The following BCORL1 variants were observed in gnomAD, a reference collection of about 807,000 sequenced individuals.
The protein encoded by BCORL1 is BCL6 corepressor like 1, also known as BCL-6 corepressor-like protein 1.
BCORL1 carries 7 observed loss-of-function variants against 87.6 expected under a neutral mutation model. The observed-to-expected ratio is 0.08, with a 90% CI of 0.05 to 0.15. The LOEUF is 0.15. Among genes scored for constraint, BCORL1 ranks in the 10% least tolerant of loss-of-function variants. BCORL1 has a pLI of 1.00. For synonymous variants in BCORL1, 591 were observed against 634.4 expected (o/e 0.93, Z 1.03); for missense variants, 1,215 against 1,499.7 (o/e 0.81, Z 3.13).
chrX:130,014,788 C>T lies in BCORL1; in HGVS notation c.2016C>T (p.Ala672=), dbSNP rs370391548. The part of the protein sequence containing the change: ...LSRSQRTTQA[A]GGNVTSCLGS... The stretch of plus-strand genomic sequence containing the variant: ...GGTCTCAGCGCACAACCCAGGCTGC[C>T]GGTGGCAATGTCACCTCCTGCCTGG... The change falls in exon 4 of 14, where the codon GCC becomes GCT. Residue 672 remains alanine, a synonymous_variant. Coordinates refer to ENST00000540052, the MANE Select transcript of BCORL1 (RefSeq NM_001379451.1). 1.3e-4 allele frequency: 158 copies of T among 1,209,296 alleles called. No homozygotes were observed. Among genetic ancestry groups the T allele is most frequent in the Middle Eastern group, 2.3e-4 (1 of 4,376 alleles).
At position 130,025,118 on chromosome X, in the gene BCORL1, C is replaced by T. The variant is rs766565765; in HGVS notation, c.3817C>T (p.Arg1273Trp). Residue 1273 changes from arginine to tryptophan, a missense_variant, in exon 7 of 14, where the codon CGG (arginine) becomes TGG (tryptophan). Arg to Trp is a moderately radical substitution (Grantham distance 101). This residue lies in a region of BCORL1 where 166 missense variants were observed against 196.5 expected (regional missense o/e 0.84). Coordinates refer to ENST00000540052, the MANE Select transcript of BCORL1 (RefSeq NM_001379451.1). ...AKRRKVRKTQ[R>W]DTQYRSHHAQ... Reference sequence around the variant, plus strand: ...GCGTCGAAAGGTGAGAAAGACCCAACGGGACACCCAGTATCGCAGCCACCA... The same window carrying T: ...GCGTCGAAAGGTGAGAAAGACCCAATGGGACACCCAGTATCGCAGCCACCA... The T allele has an allele frequency of 5.8e-6, 7 of 1,210,079 alleles. No individual in the cohort carries two copies. The Admixed American group carries it at 6.6e-5, about 11-fold the overall frequency.
At chrX:130,034,189 C>G (rs1603148946) in intron 8 of BCORL1, among the ~76,000 whole-genome samples, 1 of 111,451 alleles carries the variant, frequency 9.0e-6, no homozygotes, top group Non-Finnish European at 1.9e-5. Context: ...TGGGGTTGAG[C>G]ATTTGAACCT....
rs1225386894 is a variant in BCORL1 at position 130,015,062 on chromosome X, G to A, written c.2290G>A (p.Ala764Thr). The change falls in exon 4 of 14, where the codon GCC becomes ACC. Residue 764 changes from alanine (A) to threonine (T), a missense_variant. This residue lies in a region of BCORL1 where 861 missense variants were observed against 1,010.0 expected (regional missense o/e 0.85). Transcript: ENST00000540052. The part of the protein sequence containing the change: ...IDQGEPKGTG[A>T]TCGKKGSQAG... ...TCAAGGAGAGCCTAAGGGCACTGGT[G>A]CCACGTGTGGCAAAAAGGGCAGCCA... The A allele has an allele frequency of 4.1e-6, 5 of 1,210,590 alleles. No homozygotes were observed. The African/African-American group carries it at 8.7e-5, about 21-fold the overall frequency.
Position 130,052,002 on chromosome X carries a change from G to T in BCORL1, c.5061G>T (p.Val1687=). 8.3e-7 allele frequency: 1 copy of T among 1,197,995 alleles called. No homozygotes were observed. Among genetic ancestry groups the T allele is most frequent in the Non-Finnish European group, 1.1e-6 (1 of 888,652 alleles). ...TTCTCCCTTGCTACAACCTCCAAGT[G>T]TCAGTGTCCCGCGGGTAAGTGTCCG... ...KPLLPCYNLQ[V]SVSRGPCNWF... Residue 1687 remains valine (V), a synonymous_variant, in exon 13 of 14, where the codon GTG becomes GTT. Coordinates refer to ENST00000540052, the MANE Select transcript of BCORL1 (RefSeq NM_001379451.1).
chrX:130,014,179 T>C lies in BCORL1; in HGVS notation c.1407T>C (p.Thr469=). ...TCAGTGTGGCCACACTGCCAACCAC[T>C]CTAGGGGTTTCCTCCACTCTTACGC... The part of the protein sequence containing the change: ...QPLSVATLPT[T]LGVSSTLTLP... Residue 469 remains threonine, a synonymous_variant, in exon 4 of 14, where the codon ACT becomes ACC. Coordinates refer to ENST00000540052, the MANE Select transcript of BCORL1 (RefSeq NM_001379451.1). The C allele has an allele frequency of 8.3e-7, 1 of 1,210,440 alleles. No individual in the cohort carries two copies. Among genetic ancestry groups the C allele is most frequent in the Non-Finnish European group, 1.1e-6 (1 of 895,128 alleles).
chrX:130,051,716 C>T (rs896277923), intron 12 of BCORL1, 144 bp from the exon 13 acceptor site: 19 of 512,789 alleles, frequency 3.7e-5, no homozygotes, highest in East Asian at 3.3e-4. Context: ...ACCGGCAAAC[C>T]GCATCCCTGA....
Position 130,056,403 on chromosome X carries a change from G to A in BCORL1, c.*267G>A, listed in dbSNP as rs868648365. 6 of 280,773 alleles carry A rather than the reference G, an allele frequency of 2.1e-5. No individual in the cohort carries two copies. The highest frequency in any genetic ancestry group is 1.2e-4 in the Admixed American group (2 of 16,614). The allele number at this position is 280,773 out of a possible 1,213,427, so 23.1% of individuals were successfully genotyped here. ...TCCATGTCTGAGGACAAGAGGTCCC[G>A]GGGGTGGTGGGAGGTGGCGCCGGGG... On this transcript the variant is annotated 3_prime_UTR_variant, in exon 14 of 14. Coordinates refer to ENST00000540052, the MANE Select transcript of BCORL1 (RefSeq NM_001379451.1).
rs756266434 is a variant in BCORL1, at chrX:130,056,093, G to T, written c.5315G>T (p.Arg1772Leu). The T allele has an allele frequency of 1.1e-5, 13 of 1,192,545 alleles. No homozygotes were observed. Among genetic ancestry groups the T allele is most frequent in the Non-Finnish European group, 1.1e-5 (10 of 884,088 alleles). ...ELVRYEPDLLRLLGSEVEFQS... is the reference protein window; with the variant it reads ...ELVRYEPDLLLLLGSEVEFQS... ...GTGCGGTACGAGCCAGACCTACTTC[G>T]GCTCCTAGGGTCCGAGGTGGAATTC... Residue 1772 changes from arginine to leucine, a missense_variant, in exon 14 of 14, where the codon CGG (arginine) becomes CTG (leucine). Transcript: ENST00000540052.
intron 1 of BCORL1, among the ~76,000 whole-genome samples, chrX:129,986,494 C>T (rs770568157): frequency 8.9e-6 from 1 of 111,962 alleles, no homozygotes; most frequent in Non-Finnish European, 1.9e-5. Context: ...CTCCACAGGG[C>T]TCTGCTTCAT....
chrX:129,985,972 C>A (rs1044754997), intron 1 of BCORL1, among the ~76,000 whole-genome samples: 1 of 111,059 alleles, frequency 9.0e-6, no homozygotes, highest in Non-Finnish European at 1.9e-5. Flanking sequence ...GCCTTACCCT[C>A]CAGAGTAGCT....
chrX:130,030,237 C>T (rs1227185453), intron 8 of BCORL1, among the ~76,000 whole-genome samples: 2 of 111,468 alleles, frequency 1.8e-5, no homozygotes, highest in South Asian at 3.8e-4. Context: ...GTGCTTCGGG[C>T]GGAAGCAAGA....
chrX:130,029,953 C>T (rs1930486221), intron 8 of BCORL1, among the ~76,000 whole-genome samples: 2 of 111,767 alleles, frequency 1.8e-5, no homozygotes, highest in South Asian at 7.4e-4. Context: ...TCACGCCTAG[C>T]GCTTTGGTGG....
intron 11 of BCORL1, among the ~76,000 whole-genome samples, chrX:130,043,032 CTTTT>C (rs748652223): frequency 1.1e-5 from 1 of 94,318 alleles, no homozygotes; most frequent in Non-Finnish European, 2.1e-5. Flanking sequence ...AGTACATTCT[CTTTT>C]TTTTTTTTTT....
In BCORL1 at chrX:130,014,563, C is replaced by G. The variant is rs199780684; in HGVS notation, c.1791C>G (p.Thr597=). 1.1e-5 allele frequency: 13 copies of G among 1,211,523 alleles called. No individual in the cohort carries two copies. The highest frequency in any genetic ancestry group is 1.5e-5 in the Non-Finnish European group (13 of 895,442). ...AGCAAACAGAAGGGACTTCCGTTAC[C>G]TTCTCTCCTCTTAAGTCACCGCCAC... ...TEQQTEGTSV[T]FSPLKSPPQL... is the part of the protein sequence containing the mutation. The change falls in exon 4 of 14, where the codon ACC becomes ACG. Residue 597 remains threonine (T), a synonymous_variant. Transcript: ENST00000540052.
intron 11 of BCORL1, among the ~76,000 whole-genome samples, chrX:130,041,191 G>A (rs1931285725): frequency 1.9e-5 from 2 of 106,839 alleles, no homozygotes; most frequent in African/African-American, 3.4e-5. Flanking sequence ...GGCAACATAC[G>A]GAGACCTTGT....
At chrX:130,030,592 G>T (rs1313086407) in intron 8 of BCORL1, among the ~76,000 whole-genome samples, 1 of 110,482 alleles carries the variant, frequency 9.1e-6, no homozygotes, top group Non-Finnish European at 1.9e-5. Context: ...GCTTCTGTTT[G>T]TATTTGGGAG....
At chrX:130,033,248 A>T (rs1000476270) in intron 8 of BCORL1, among the ~76,000 whole-genome samples, 3 of 109,920 alleles carry the variant, frequency 2.7e-5, no homozygotes, top group Non-Finnish European at 5.7e-5. Flanking sequence ...CGCCCAGCTG[A>T]TTTTTTGTAT....
intron 6 of BCORL1, among the ~76,000 whole-genome samples, chrX:130,023,581 G>T (rs1039407727): frequency 3.6e-5 from 4 of 112,054 alleles, no homozygotes; most frequent in Non-Finnish European, 7.5e-5. Flanking sequence ...GGATAGAATG[G>T]GGAAGCAAGG....
Position 130,012,559 on chromosome X carries a change from G to C in BCORL1, c.87-19G>C. The stretch of plus-strand genomic sequence containing the variant: ...TCCTGGGCCTCATGTCCCTTCTCTG[G>C]TTGTATCTTCCATGCTAGAAGAGCA... On this transcript the variant is annotated intron_variant, in intron 2 of 13. Coordinates refer to ENST00000540052, the MANE Select transcript of BCORL1 (RefSeq NM_001379451.1). 8.4e-7 allele frequency: 1 copy of C among 1,193,852 alleles called. No homozygotes were observed. Among genetic ancestry groups the C allele is most frequent in the South Asian group, 1.8e-5 (1 of 56,241 alleles).
Sources: allele counts gnomAD v4.1 joint callset (sites outside exome capture counted in the v4.1 genomes callset), GRCh38; gene constraint gnomAD v4.1.1; regional missense constraint gnomAD v4.1.1; transcripts MANE v1.5; gene names NCBI Gene and HGNC (gene_info 2026-07-23, HGNC 2026-07-21).